SNAP91: variants seen among roughly 807,000 people sequenced by gnomAD.
SNAP91 encodes the protein synaptosome associated protein 91.
A neutral mutation model predicts 100.3 loss-of-function variants in SNAP91; 27 were observed. The ratio of observed to expected loss-of-function variants is 0.27; its 90% CI spans 0.20 to 0.37. SNAP91 has a LOEUF of 0.37. Ranked by LOEUF, SNAP91 falls within the 10% of genes least tolerant of loss-of-function variation. The pLI, the probability that SNAP91 is intolerant of heterozygous loss-of-function variation, is 1.00. For synonymous variants in SNAP91, 404 were observed against 398.6 expected, an observed-to-expected ratio of 1.01 and a Z score of -0.16; for missense variants, 986 against 1,123.7, an observed-to-expected ratio of 0.88 and a Z score of 1.75.
Position 83,593,267 on chromosome 6 carries a change from C to G in SNAP91, c.1697-8G>C. The G allele has an allele frequency of 6.3e-7, 1 of 1,582,222 alleles. No homozygotes were observed. Among genetic ancestry groups the G allele is most frequent in the Non-Finnish European group, 8.6e-7 (1 of 1,163,394 alleles). Reference sequence around the variant, plus strand: ...GAGTGGACTCAAATAAATCTAAGACCAAGAACACACATGCCTTTACTCAAC... The same window carrying G: ...GAGTGGACTCAAATAAATCTAAGACGAAGAACACACATGCCTTTACTCAAC... On this transcript the variant is annotated splice_region_variant and splice_polypyrimidine_tract_variant and intron_variant, in intron 18 of 29. Coordinates refer to ENST00000369694, the MANE Select transcript of SNAP91 (RefSeq NM_001242792.2).
intron 24 of SNAP91, among the ~76,000 whole-genome samples, chr6:83,577,992 C>T (rs1822024394): frequency 6.6e-6 from 1 of 152,150 alleles, no homozygotes; most frequent in Non-Finnish European, 1.5e-5. Flanking sequence ...TCTTTTGCGA[C>T]CGACTTCTTT....
intron 2 of SNAP91, among the ~76,000 whole-genome samples, chr6:83,675,020 G>C (rs890062180): frequency 2.0e-5 from 3 of 152,156 alleles, no homozygotes; most frequent in Non-Finnish European, 4.4e-5. Flanking sequence ...CCTACTGACG[G>C]TTTAGGTGGG....
intron 2 of SNAP91, among the ~76,000 whole-genome samples, chr6:83,702,978 C>T (rs970878933): frequency 1.3e-5 from 2 of 152,030 alleles, no homozygotes; most frequent in Admixed American, 6.6e-5. Flanking sequence ...TGAGCATCTT[C>T]GAGAATGTCA....
At chr6:83,678,470 G>T (rs2128891979) in intron 2 of SNAP91, among the ~76,000 whole-genome samples, 1 of 152,220 alleles carries the variant, frequency 6.6e-6, no homozygotes, top group South Asian at 2.1e-4. Context: ...GACTCAAAAA[G>T]CAGACACAAG....
At chr6:83,612,032 C>G (rs1034743693) in intron 11 of SNAP91, among the ~76,000 whole-genome samples, 12 of 151,956 alleles carry the variant, frequency 7.9e-5, no homozygotes, top group African/African-American at 2.9e-4. Context: ...AAGTTAATAT[C>G]TTTTAAGTTC....
chr6:83,671,853 G>A (rs763119096), intron 2 of SNAP91, among the ~76,000 whole-genome samples: 13 of 151,966 alleles, frequency 8.6e-5, no homozygotes, highest in Non-Finnish European at 1.3e-4. Flanking sequence ...GGAAAAGATA[G>A]CTGTTTATGA....
rs188735307 is a variant in SNAP91 at position 83,591,301 on chromosome 6, G to A, written c.1931-7C>T. ...GCACTACTTCCAAATGCATCTATCC[G>A]TTATCCATTGTGCAGCGGAAAAGTA... On this transcript the variant is annotated splice_polypyrimidine_tract_variant and splice_region_variant and intron_variant, in intron 21 of 29. Coordinates refer to ENST00000369694, the MANE Select transcript of SNAP91 (RefSeq NM_001242792.2). 2.0e-4 allele frequency: 319 copies of A among 1,591,120 alleles called. No individual in the cohort carries two copies. Among genetic ancestry groups the A allele is most frequent in the Admixed American group, 1.9e-3 (114 of 59,938 alleles).
At chr6:83,614,127 T>C (rs556541076) in intron 11 of SNAP91, among the ~76,000 whole-genome samples, 5 of 152,284 alleles carry the variant, frequency 3.3e-5, no homozygotes, top group African/African-American at 1.2e-4. Context: ...ATTTTGAGTA[T>C]AAGTGCTAGC....
chr6:83,577,350 GT>G (rs201730131), intron 24 of SNAP91, among the ~76,000 whole-genome samples: 4 of 151,986 alleles, frequency 2.6e-5, no homozygotes, highest in African/African-American at 9.7e-5. Context: ...CATAATTTTA[GT>G]TTTTTTAAAA....
chr6:83,602,414 C>T (rs899154239), intron 14 of SNAP91, among the ~76,000 whole-genome samples: 1 of 152,032 alleles, frequency 6.6e-6, no homozygotes, highest in African/African-American at 2.4e-5. Flanking sequence ...ATGAGACCAT[C>T]CAATTAGGCT....
Position 83,707,727 on chromosome 6 carries a change from G to T in SNAP91, c.130+71C>A, listed in dbSNP as rs534116395. 3.2e-6 allele frequency: 5 copies of T among 1,580,874 alleles called. No individual in the cohort carries two copies. In the Admixed American group the frequency reaches 7.3e-5, roughly 23 times the overall value. On this transcript the variant is annotated intron_variant, in intron 2 of 29. Transcript: ENST00000369694. ...GGCCACAGCATTATGGACCAAGAGC[G>T]CAGGCCGCACCACCAGCATCCCAGG... is the stretch of plus-strand genomic sequence containing the variant.
At chr6:83,571,110 C>CTT (rs60946158) in intron 26 of SNAP91, among the ~76,000 whole-genome samples, 1 of 145,116 alleles carries the variant, frequency 6.9e-6, no homozygotes, top group East Asian at 2.0e-4. Flanking sequence ...GCGCCCACCT[C>CTT]TTTTTTTTTT....
At chr6:83,643,968 A>C (rs1022601173) in intron 7 of SNAP91, among the ~76,000 whole-genome samples, 1 of 152,198 alleles carries the variant, frequency 6.6e-6, no homozygotes, top group African/African-American at 2.4e-5. Flanking sequence ...CTATAAGACG[A>C]AAGTCTTTTC....
At chr6:83,570,948 C>T (rs951628527) in intron 26 of SNAP91, among the ~76,000 whole-genome samples, 2 of 152,268 alleles carry the variant, frequency 1.3e-5, no homozygotes, top group African/African-American at 4.8e-5. Context: ...AAGAAGGCCA[C>T]TGTCCTCCAG....
intron 7 of SNAP91, among the ~76,000 whole-genome samples, chr6:83,651,691 G>A (rs946237536): frequency 6.6e-6 from 1 of 152,096 alleles, no homozygotes; most frequent in African/African-American, 2.4e-5. Context: ...TTCTATGCAA[G>A]CTTGAGAAGA....
intron 26 of SNAP91, among the ~76,000 whole-genome samples, chr6:83,562,486 C>T (rs748791297): frequency 2.0e-5 from 3 of 152,246 alleles, no homozygotes; most frequent in Non-Finnish European, 4.4e-5. Context: ...TTTGGATACA[C>T]CTTTAATTTT....
intron 2 of SNAP91, among the ~76,000 whole-genome samples, chr6:83,694,979 G>A (rs986444325): frequency 6.6e-6 from 1 of 151,932 alleles, no homozygotes; most frequent in Non-Finnish European, 1.5e-5. Flanking sequence ...TTAAAAAAAC[G>A]AAAACTGTGG....
Position 83,631,865 on chromosome 6 carries a change from C to T in SNAP91, c.766-8523G>A, listed in dbSNP as rs1005262287. The stretch of plus-strand genomic sequence containing the variant: ...TAGTATTGAGATGTGAGGTACCATT[C>T]CATTCATTGTGCTATTTGTTGCCTG... On this transcript the variant is annotated intron_variant, in intron 8 of 29. Transcript: ENST00000369694. 2.6e-5 allele frequency among the ~76,000 whole-genome samples: 4 copies of T among 151,998 alleles called. No individual in the cohort carries two copies. In the East Asian group the frequency reaches 7.7e-4, roughly 29 times the overall value.
intron 22 of SNAP91, among the ~76,000 whole-genome samples, chr6:83,587,117 C>T (rs965979781): frequency 1.3e-5 from 2 of 151,948 alleles, no homozygotes; most frequent in African/African-American, 2.4e-5. Context: ...AAAATGATAC[C>T]AATTTTTAAC....
Sources: gnomAD v4.1 joint callset for allele counts (sites outside exome capture counted in the v4.1 genomes callset) on GRCh38, gnomAD v4.1.1 for gene constraint, MANE v1.5 for transcripts, NCBI Gene and HGNC (gene_info 2026-07-23, HGNC 2026-07-21) for gene names.